The following PDX1 variants were observed in gnomAD, a reference collection of about 807,000 sequenced individuals.
The protein encoded by PDX1 is pancreas/duodenum homeobox protein 1.
PDX1 carries 7 observed loss-of-function variants against 11.1 expected under a neutral mutation model. That is an observed-to-expected ratio of 0.63 (90% confidence interval 0.36 to 1.19). PDX1 has a LOEUF of 1.19. Among genes scored for constraint, PDX1 ranks in the 50% most tolerant of loss-of-function variants. The probability of loss-of-function intolerance (pLI) is 0.02; values close to 1 mark genes in which losing one functional copy is unlikely to be tolerated. For synonymous variants in PDX1, 232 were observed against 196.2 expected (o/e 1.18, Z -1.53); for missense variants, 449 against 412.1 (o/e 1.09, Z -0.78).
At position 27,924,564 on chromosome 13, in the gene PDX1, C is replaced by A; in HGVS notation, c.715C>A (p.Pro239Thr). 1 of 1,506,186 alleles carries A rather than the reference C, an allele frequency of 6.6e-7. No individual in the cohort carries two copies. The highest frequency in any genetic ancestry group is 8.8e-7 in the Non-Finnish European group (1 of 1,132,054). 93.3% of individuals were successfully genotyped at this position (1,506,186 alleles called of 1,614,324 possible). Residue 239 changes from proline to threonine, a missense_variant, in exon 2 of 2, where the codon CCG becomes ACG. Physicochemically the swap from Pro to Thr is conservative, Grantham distance 38. Coordinates refer to ENST00000381033, the MANE Select transcript of PDX1 (RefSeq NM_000209.4). This position sits in a 1 kb window ranked among gnomAD's most constrained non-coding sequence, Gnocchi z 4.8. ...VTSGEELLAL[P>T]PPPPPGGAVP... ...CTCCGGCGAGGAGCTTCTGGCGCTG[C>A]CGCCGCCGCCGCCCCCCGGAGGTGC...
Position 27,920,036 on chromosome 13 carries a change from G to C in PDX1, c.-103G>C, listed in dbSNP as rs1456098072. The C allele has an allele frequency of 2.8e-6, 4 of 1,405,056 alleles. No homozygotes were observed. Among genetic ancestry groups the C allele is most frequent in the Non-Finnish European group, 3.9e-6 (4 of 1,018,324 alleles). The allele number at this position is 1,405,056 out of a possible 1,614,324, so 87.0% of individuals were successfully genotyped here. On this transcript the variant is annotated 5_prime_UTR_variant, in exon 1 of 2. Transcript: ENST00000381033. ...GGAGCTGTCAAAGCGAGCAGGGGTGGCGCCGGGAGTGGGAACGCCACACAG... is the reference window on the plus strand; with the variant it reads ...GGAGCTGTCAAAGCGAGCAGGGGTGCCGCCGGGAGTGGGAACGCCACACAG...
Position 27,920,196 on chromosome 13 carries a change from T to A in PDX1, c.58T>A (p.Phe20Ile). The change falls in exon 1 of 2, where the codon TTC (phenylalanine) becomes ATC (isoleucine). Residue 20 changes from phenylalanine to isoleucine, a missense_variant. This residue lies in a region of PDX1 where 263 missense variants were observed against 212.5 expected (regional missense o/e 1.24). Coordinates refer to ENST00000381033, the MANE Select transcript of PDX1 (RefSeq NM_000209.4). ...GCAGCTTTACAAGGACCCATGCGCG[T>A]TCCAGCGAGGCCCGGCGCCGGAGTT... ...ATQLYKDPCA[F>I]QRGPAPEFSA... 1 of 1,549,770 alleles carries A rather than the reference T, an allele frequency of 6.5e-7. No homozygotes were observed.
chr13:27,920,562 C>T lies in PDX1; in HGVS notation c.406+18C>T. 1 of 1,612,498 alleles carries T rather than the reference C, an allele frequency of 6.2e-7. No individual in the cohort carries two copies. Among genetic ancestry groups the T allele is most frequent in the Non-Finnish European group, 8.5e-7 (1 of 1,179,530 alleles). On this transcript the variant is annotated intron_variant, in intron 1 of 1. Transcript: ENST00000381033. ...GTGGGCAGGTAAGCCTGGCTCCCCA[C>T]CCCTTTCTCCTTTCCGGTTCTCACC...
rs1164055763 is a variant in PDX1, at chr13:27,924,628, G to A, written c.779G>A (p.Arg260His). 1.2e-5 allele frequency: 17 copies of A among 1,472,432 alleles called. No homozygotes were observed. The highest frequency in any genetic ancestry group is 1.4e-5 in the Non-Finnish European group (16 of 1,117,782). 91.2% of individuals were successfully genotyped at this position (1,472,432 alleles called of 1,614,324 possible). Residue 260 changes from arginine to histidine, a missense_variant, in exon 2 of 2, where the codon CGC (arginine) becomes CAC (histidine). Around this residue, in one of 3 missense-constraint regions of PDX1, gnomAD observed 139 missense variants for 121.4 expected, o/e 1.14. Transcript: ENST00000381033. The surrounding 1 kb of genome is among the most constrained non-coding windows in gnomAD (Gnocchi z 4.8). ...PAAPVAAREG[R>H]LPPGLSASPQ... ...GCCCCCGTTGCCGCCCGAGAGGGCC[G>A]CCTGCCGCCTGGCCTTAGCGCGTCG...
In PDX1 at chr13:27,924,542, C is replaced by G. The variant is rs200411304; in HGVS notation, c.693C>G (p.Ser231=). The stretch of plus-strand genomic sequence containing the variant: ...CTGAGCAGGACTGCGCCGTGACCTC[C>G]GGCGAGGAGCTTCTGGCGCTGCCGC... The part of the protein sequence containing the change: ...AEPEQDCAVT[S]GEELLALPPP... The change falls in exon 2 of 2, where the codon TCC becomes TCG. Residue 231 remains serine, a synonymous_variant. Coordinates refer to ENST00000381033, the MANE Select transcript of PDX1 (RefSeq NM_000209.4). The surrounding 1 kb of genome is among the most constrained non-coding windows in gnomAD (Gnocchi z 4.8). 5 of 1,580,024 alleles carry G rather than the reference C, an allele frequency of 3.2e-6. No homozygotes were observed. Among genetic ancestry groups the G allele is most frequent in the Admixed American group, 3.6e-5 (2 of 55,992 alleles).
rs1297553641 is a variant in PDX1 at position 27,924,364 on chromosome 13, C to T, written c.515C>T (p.Ser172Leu). The change falls in exon 2 of 2, where the codon TCA (serine) becomes TTA (leucine). Residue 172 changes from serine (S) to leucine (L), a missense_variant. Ser to Leu is a moderately radical substitution (Grantham distance 145). This residue lies in a region of PDX1 where 47 missense variants were observed against 78.2 expected (regional missense o/e 0.60). Transcript: ENST00000381033. The surrounding 1 kb of genome is among the most constrained non-coding windows in gnomAD (Gnocchi z 4.8). Reference sequence around the variant, plus strand: ...GAGTTCCTATTCAACAAGTACATCTCACGGCCGCGCCGGGTGGAGCTGGCT... The same window carrying T: ...GAGTTCCTATTCAACAAGTACATCTTACGGCCGCGCCGGGTGGAGCTGGCT... ...EKEFLFNKYI[S>L]RPRRVELAVM... The T allele has an allele frequency of 6.2e-7, 1 of 1,612,672 alleles. No homozygotes were observed. Among genetic ancestry groups the T allele is most frequent in the Non-Finnish European group, 8.5e-7 (1 of 1,179,942 alleles).
At chr13:27,920,830 G>C (rs1208934262) in intron 1 of PDX1, among the ~76,000 whole-genome samples, 1 of 152,244 alleles carries the variant, frequency 6.6e-6, no homozygotes, top group Non-Finnish European at 1.5e-5. Flanking sequence ...CATCCTTAGA[G>C]AGCCGAGGCT....
rs750408215 is a variant in PDX1 at position 27,924,213 on chromosome 13, G to A, written c.407-43G>A. ...GTTGGGCTGCGTGGGTGGGGGCTGT[G>A]CGGGGCTCCGGGGGCCACACTCACG... is the stretch of plus-strand genomic sequence containing the variant. On this transcript the variant is annotated intron_variant, in intron 1 of 1. Transcript: ENST00000381033. The surrounding 1 kb of genome is among the most constrained non-coding windows in gnomAD (Gnocchi z 4.8). The A allele has an allele frequency of 7.4e-5, 111 of 1,503,770 alleles. No homozygotes were observed. The highest frequency in any genetic ancestry group is 9.8e-5 in the Non-Finnish European group (110 of 1,122,518). 93.2% of individuals were successfully genotyped at this position (1,503,770 alleles called of 1,614,324 possible).
Position 27,925,540 on chromosome 13 carries a change from T to C in PDX1, c.*839T>C, listed in dbSNP as rs1027221289. 1.4e-4 allele frequency: 25 copies of C among 174,534 alleles called. No individual in the cohort carries two copies. The highest frequency in any genetic ancestry group is 2.7e-4 in the Non-Finnish European group (23 of 84,902). 10.8% of individuals were successfully genotyped at this position (174,534 alleles called of 1,614,324 possible). On this transcript the variant is annotated 3_prime_UTR_variant, in exon 2 of 2. Coordinates refer to ENST00000381033, the MANE Select transcript of PDX1 (RefSeq NM_000209.4). The stretch of plus-strand genomic sequence containing the variant: ...CCTCCCCCTCCTCTTGCTCCCCTTC[T>C]TCCCCGTCCTCTTCCTCCTCCTCCT...
intron 1 of PDX1, among the ~76,000 whole-genome samples, chr13:27,921,603 C>T (rs1957788512): frequency 1.3e-5 from 2 of 152,226 alleles, no homozygotes; most frequent in Non-Finnish European, 2.9e-5. Flanking sequence ...CGGCGTCCCC[C>T]GGCCCACCCC....
Position 27,924,148 on chromosome 13 carries a change from C to T in PDX1, c.407-108C>T, listed in dbSNP as rs1185246236. 2.1e-5 allele frequency: 20 copies of T among 951,466 alleles called. No homozygotes were observed. Among genetic ancestry groups the T allele is most frequent in the South Asian group, 3.8e-5 (2 of 52,730 alleles). 58.9% of individuals were successfully genotyped at this position (951,466 alleles called of 1,614,324 possible). On this transcript the variant is annotated intron_variant, in intron 1 of 1. Transcript: ENST00000381033. This position sits in a 1 kb window ranked among gnomAD's most constrained non-coding sequence, Gnocchi z 4.8. ...TGGGGCTTGGTGGCTCCGGCGGGAG[C>T]AGCTGGTAGGGCTAGGGCTCCCTGG... is the stretch of plus-strand genomic sequence containing the variant.
At position 27,924,543 on chromosome 13, in the gene PDX1, G is replaced by A. The variant is rs367625089; in HGVS notation, c.694G>A (p.Gly232Ser). 61 of 1,580,660 alleles carry A rather than the reference G, an allele frequency of 3.9e-5. No individual in the cohort carries two copies. The highest frequency in any genetic ancestry group is 4.9e-5 in the Non-Finnish European group (57 of 1,165,640). ...TGAGCAGGACTGCGCCGTGACCTCC[G>A]GCGAGGAGCTTCTGGCGCTGCCGCC... Reference protein sequence around the residue: ...EPEQDCAVTSGEELLALPPPP... With the variant: ...EPEQDCAVTSSEELLALPPPP... The change falls in exon 2 of 2, where the codon GGC becomes AGC. Residue 232 changes from glycine to serine, a missense_variant. Physicochemically the swap from Gly to Ser is moderately conservative, Grantham distance 56 (BLOSUM62 0). Around this residue, in one of 3 missense-constraint regions of PDX1, gnomAD observed 139 missense variants for 121.4 expected, o/e 1.14. Coordinates refer to ENST00000381033, the MANE Select transcript of PDX1 (RefSeq NM_000209.4). The surrounding 1 kb of genome is among the most constrained non-coding windows in gnomAD (Gnocchi z 4.8).
chr13:27,924,389 T>A lies in PDX1; in HGVS notation c.540T>A (p.Ala180=). 6.2e-7 allele frequency: 1 copy of A among 1,613,132 alleles called. No homozygotes were observed. Among genetic ancestry groups the A allele is most frequent in the Non-Finnish European group, 8.5e-7 (1 of 1,179,950 alleles). ...CACGGCCGCGCCGGGTGGAGCTGGCTGTCATGTTGAACTTGACCGAGAGAC... is the reference window on the plus strand; with the variant it reads ...CACGGCCGCGCCGGGTGGAGCTGGCAGTCATGTTGAACTTGACCGAGAGAC... ...YISRPRRVEL[A]VMLNLTERHI... Residue 180 remains alanine (A), a synonymous_variant, in exon 2 of 2, where the codon GCT becomes GCA. Coordinates refer to ENST00000381033, the MANE Select transcript of PDX1 (RefSeq NM_000209.4). This position sits in a 1 kb window ranked among gnomAD's most constrained non-coding sequence, Gnocchi z 4.8.
rs1422201337 is a variant in PDX1 at position 27,922,711 on chromosome 13, C to T, written c.407-1545C>T. ...CAGGTCCCCCGGGAATAGTGCACCCCAGGAAGTCTCTCCCTGAGCAGTCTC... is the reference window on the plus strand; with the variant it reads ...CAGGTCCCCCGGGAATAGTGCACCCTAGGAAGTCTCTCCCTGAGCAGTCTC... On this transcript the variant is annotated intron_variant, in intron 1 of 1. Coordinates refer to ENST00000381033, the MANE Select transcript of PDX1 (RefSeq NM_000209.4). 2.6e-5 allele frequency among the ~76,000 whole-genome samples: 4 copies of T among 152,310 alleles called. No homozygotes were observed. In the East Asian group the frequency reaches 7.7e-4, roughly 29 times the overall value.
intron 1 of PDX1, among the ~76,000 whole-genome samples, chr13:27,922,237 C>T (rs1315324555): frequency 6.6e-6 from 1 of 152,200 alleles, no homozygotes; most frequent in Non-Finnish European, 1.5e-5. Flanking sequence ...AATCAGCAGC[C>T]TTGGCGAGGG....
chr13:27,924,518 T>A lies in PDX1; in HGVS notation c.669T>A (p.Pro223=). The A allele has an allele frequency of 6.2e-7, 1 of 1,607,914 alleles. No homozygotes were observed. The change falls in exon 2 of 2, where the codon CCT becomes CCA. Residue 223 remains proline, a synonymous_variant. Transcript: ENST00000381033. This position sits in a 1 kb window ranked among gnomAD's most constrained non-coding sequence, Gnocchi z 4.8. ...TCGGGGGTGGCGGGGTCGCGGAGCC[T>A]GAGCAGGACTGCGCCGTGACCTCCG... The part of the protein sequence containing the change: ...TAVGGGGVAE[P]EQDCAVTSGE...
At chr13:27,921,010 G>A (rs1566024445) in intron 1 of PDX1, among the ~76,000 whole-genome samples, 1 of 152,172 alleles carries the variant, frequency 6.6e-6, no homozygotes, top group South Asian at 2.1e-4. Context: ...CCCGCGCTTC[G>A]TTAAGGAAGG....
chr13:27,924,823 GC>G lies in PDX1; in HGVS notation c.*125del. 1.2e-6 allele frequency: 1 copy of G among 832,308 alleles called. No homozygotes were observed. Among genetic ancestry groups the G allele is most frequent in the Non-Finnish European group, 1.7e-6 (1 of 605,554 alleles). The allele number at this position is 832,308 out of a possible 1,614,324, so 51.6% of individuals were successfully genotyped here. ...AGTTGAATGGGGCGGCAATTGCGGG[GC>G]CCACCTTAGACCGAAGGGGAAAACC... On this transcript the variant is annotated 3_prime_UTR_variant, in exon 2 of 2. Transcript: ENST00000381033. The surrounding 1 kb of genome is among the most constrained non-coding windows in gnomAD (Gnocchi z 4.8).
chr13:27,922,651 C>A (rs1016641518), intron 1 of PDX1, among the ~76,000 whole-genome samples: 2 of 152,180 alleles, frequency 1.3e-5, no homozygotes, highest in African/African-American at 4.8e-5. Flanking sequence ...TTCCCACCAT[C>A]CTCAACCTCC....
Sources: gnomAD v4.1 joint callset for allele counts (sites outside exome capture counted in the v4.1 genomes callset) on GRCh38, gnomAD v4.1.1 for gene constraint, gnomAD v4.1.1 regional missense constraint, Gnocchi (gnomAD v3.1) non-coding constraint, MANE v1.5 for transcripts, NCBI Gene and HGNC (gene_info 2026-07-23, HGNC 2026-07-21) for gene names.